Variants in GDA observed in about 807,000 individuals in gnomAD.
GDA encodes the protein guanine deaminase, also known as cytoplasmic PSD-95 interactor.
In GDA, 18 loss-of-function variants were observed where a neutral mutation model predicts 59.6. The observed-to-expected ratio is 0.30, with a 90% CI of 0.21 to 0.45. The LOEUF (loss-of-function observed/expected upper bound fraction) is 0.45. Among genes scored for constraint, GDA ranks in the 20% least tolerant of loss-of-function variants. GDA has a pLI of 1.00. For missense variants in GDA, 427 were observed against 552.3 expected (o/e 0.77, Z 2.27); for synonymous variants, 201 against 201.1 (o/e 1.00, Z 0.00).
intron 1 of GDA, among the ~76,000 whole-genome samples, chr9:72,144,232 T>C (rs536342456): frequency 1.4e-4 from 22 of 152,050 alleles, no homozygotes; most frequent in Non-Finnish European, 3.1e-4. Context: ...AAAATACTAA[T>C]AATATTAACA....
intron 1 of GDA, among the ~76,000 whole-genome samples, chr9:72,151,524 A>T (rs996311153): frequency 6.6e-6 from 1 of 152,284 alleles, no homozygotes; most frequent in East Asian, 1.9e-4. Context: ...TAAACATTTC[A>T]AGGTTCAAAA....
chr9:72,118,282 A>AG lies in GDA; in HGVS notation c.-100+3449_-100+3450insG, dbSNP rs1475279862. Among the ~76,000 whole-genome samples, 76 of 150,032 alleles carry AG rather than the reference A, an allele frequency of 5.1e-4. 1 individual carries two copies. Among genetic ancestry groups the AG allele is most frequent in the African/African-American group, 1.8e-3 (74 of 40,838 alleles). On this transcript the variant is annotated intron_variant, in intron 1 of 13. Coordinates refer to the GDA transcript ENST00000545168. The stretch of plus-strand genomic sequence containing the variant: ...GCAAGAGACTCCACCTCAAAAAAAA[A>AG]AAAAAAAAAAAAAAAGAATGTAAAT...
chr9:72,215,373 A>G (rs1282250198), intron 5 of GDA, among the ~76,000 whole-genome samples: 1 of 152,156 alleles, frequency 6.6e-6, no homozygotes, highest in African/African-American at 2.4e-5. Flanking sequence ...AGTTACCATA[A>G]TAGGGTATCT....
intron 1 of GDA, among the ~76,000 whole-genome samples, chr9:72,125,720 G>A (rs1039538897): frequency 6.6e-6 from 1 of 152,082 alleles, no homozygotes; most frequent in African/African-American, 2.4e-5. Flanking sequence ...GGGCACTTTG[G>A]TTTCTCTAGC....
intron 10 of GDA, among the ~76,000 whole-genome samples, chr9:72,233,856 C>G (rs895506414): frequency 6.6e-6 from 1 of 152,058 alleles, no homozygotes; most frequent in African/African-American, 2.4e-5. Context: ...GCAGGAGGAT[C>G]GCTTGAGCTT....
chr9:72,177,723 A>C (rs1830706199), intron 1 of GDA, among the ~76,000 whole-genome samples: 1 of 152,210 alleles, frequency 6.6e-6, no homozygotes, highest in Non-Finnish European at 1.5e-5. Flanking sequence ...TTTCAACATT[A>C]TATCCTTTGA....
In GDA at chr9:72,241,264, A is replaced by G. The variant is rs758900694; in HGVS notation, c.1101A>G (p.Glu367=). ...KVNEKSLTLK[E]VFRLATLGGS... The stretch of plus-strand genomic sequence containing the variant: ...ATGAGAAAAGCCTCACCCTCAAAGA[A>G]GTCTTCAGACTAGCTACTCTTGGAG... Residue 367 remains glutamate (E), a synonymous_variant, in exon 11 of 14, where the codon GAA becomes GAG. Transcript: ENST00000358399. The G allele has an allele frequency of 1.2e-6, 2 of 1,607,774 alleles. No homozygotes were observed. Among genetic ancestry groups the G allele is most frequent in the East Asian group, 4.5e-5 (2 of 44,788 alleles).
chr9:72,225,998 TGTGTGTGTGTGTGTGTGC>T (rs1438198574), intron 8 of GDA, among the ~76,000 whole-genome samples: 383 of 151,404 alleles, frequency 2.5e-3, no homozygotes, highest in African/African-American at 8.6e-3. Context: ...AGTGTGTGTG[TGTGTGTGTGTGTGTGTGC>T]GTGTGTGTGT....
Position 72,249,736 on chromosome 9 carries a change from A to T in GDA, c.*1394A>T, listed in dbSNP as rs989546055. ...GCAAGGAAAAGGAATAGACTTTCTT[A>T]ATATATTATAACACTCATTCCTAGA... On this transcript the variant is annotated 3_prime_UTR_variant, in exon 14 of 14. Transcript: ENST00000358399. The T allele has an allele frequency of 8.5e-6, 7 of 819,466 alleles. No homozygotes were observed. The highest frequency in any genetic ancestry group is 1.0e-5 in the Non-Finnish European group (7 of 678,890). 50.8% of individuals were successfully genotyped at this position (819,466 alleles called of 1,614,324 possible).
rs1214737167 is a variant in GDA at position 72,248,441 on chromosome 9, C to A, written c.*99C>A. On this transcript the variant is annotated 3_prime_UTR_variant, in exon 14 of 14. Transcript: ENST00000358399. The stretch of plus-strand genomic sequence containing the variant: ...GAAAGTCAAAAAATAGTACCTTGTT[C>A]TTGGGATGACTATCCCTTTCTGTGT... 3 of 1,567,616 alleles carry A rather than the reference C, an allele frequency of 1.9e-6. No individual in the cohort carries two copies. Among genetic ancestry groups the A allele is most frequent in the Non-Finnish European group, 2.6e-6 (3 of 1,157,492 alleles).
At chr9:72,159,431 C>G (rs1031959392) in intron 1 of GDA, among the ~76,000 whole-genome samples, 1 of 151,870 alleles carries the variant, frequency 6.6e-6, no homozygotes, top group Admixed American at 6.6e-5. Flanking sequence ...AGTGATAGAA[C>G]AAACCTTTCT....
At chr9:72,188,722 T>A (rs967685262) in intron 1 of GDA, among the ~76,000 whole-genome samples, 1 of 151,910 alleles carries the variant, frequency 6.6e-6, no homozygotes, top group African/African-American at 2.4e-5. Flanking sequence ...ACTGGGGTAA[T>A]GCCTAGTGGA....
intron 2 of GDA, among the ~76,000 whole-genome samples, chr9:72,200,338 T>G (rs1259752327): frequency 6.6e-6 from 1 of 151,372 alleles, no homozygotes; most frequent in Non-Finnish European, 1.5e-5. Flanking sequence ...TTCTCCTTCT[T>G]CTTCCTTTTC....
chr9:72,137,555 T>C (rs189183352), intron 1 of GDA, among the ~76,000 whole-genome samples: 152 of 152,186 alleles, frequency 1.0e-3, no homozygotes, highest in African/African-American at 3.5e-3. Context: ...CCTAAGATCC[T>C]TTTTAACTCT....
chr9:72,257,341 T>C (rs1840897826), downstream of GDA: 1 of 113,142 alleles, frequency 8.8e-6, no homozygotes, highest in South Asian at 2.8e-4. Flanking sequence ...TCCAGCTTTG[T>C]TTCTGTCACT....
In GDA at chr9:72,149,536, C is replaced by A; in HGVS notation, c.-24C>A. The A allele has an allele frequency of 1.2e-6, 2 of 1,607,136 alleles. No homozygotes were observed. The highest frequency in any genetic ancestry group is 1.7e-6 in the Non-Finnish European group (2 of 1,178,406). ...GCGTGCGCCCTCCTCGACCAGCAGA[C>A]CCGCGCTGCGCTCCGCCGCTGACAT... On this transcript the variant is annotated 5_prime_UTR_variant, in exon 1 of 14. Coordinates refer to ENST00000358399, the MANE Select transcript of GDA (RefSeq NM_004293.5).
At chr9:72,239,231 A>T (rs774202850) in intron 10 of GDA, among the ~76,000 whole-genome samples, 2 of 152,220 alleles carry the variant, frequency 1.3e-5, no homozygotes, top group Non-Finnish European at 2.9e-5. Flanking sequence ...TTTGATGAGC[A>T]CAAAATTGTT....
intron 1 of GDA, among the ~76,000 whole-genome samples, chr9:72,184,470 G>A (rs1831627186): frequency 6.6e-6 from 1 of 152,152 alleles, no homozygotes; most frequent in Admixed American, 6.5e-5. Context: ...AGCTCTTTCA[G>A]ATTTGTGTCT....
upstream of GDA, among the ~76,000 whole-genome samples, chr9:72,146,141 T>G (rs1318165264): frequency 5.6e-4 from 46 of 82,190 alleles, no homozygotes; most frequent in African/African-American, 9.9e-4. Context: ...TGAGGGGGGG[T>G]TGGGGGTTGG....
Sources: allele counts gnomAD v4.1 joint callset (sites outside exome capture counted in the v4.1 genomes callset), GRCh38; gene constraint gnomAD v4.1.1; transcripts MANE v1.5; gene names NCBI Gene and HGNC (gene_info 2026-07-23, HGNC 2026-07-21).